Variants in FHIT observed in about 807,000 individuals in gnomAD.
FHIT encodes bis(5'-adenosyl)-triphosphatase.
Under a neutral mutation model 17.9 loss-of-function variants are expected in FHIT, and 19 were observed. The observed-to-expected ratio is 1.06, with a 90% CI of 0.74 to 1.56. The LOEUF is 1.56. Among genes scored for constraint, FHIT ranks in the 40% most tolerant of loss-of-function variants. The pLI is 0.00. For synonymous variants in FHIT, 81 were observed against 69.7 expected (o/e 1.16, Z -0.81); for missense variants, 248 against 189.2 (o/e 1.31, Z -1.82).
At chr3:60,245,826 C>G (rs774581964) in intron 5 of FHIT, among the ~76,000 whole-genome samples, 34 of 151,966 alleles carry the variant, frequency 2.2e-4, no homozygotes, top group Admixed American at 3.9e-4. Context: ...GGTAAGCATA[C>G]AGTGAACAAT....
At chr3:59,998,199 G>C (rs1374863278) in intron 7 of FHIT, among the ~76,000 whole-genome samples, 3 of 152,162 alleles carry the variant, frequency 2.0e-5, no homozygotes, top group African/African-American at 7.2e-5. Flanking sequence ...CGGTGTGCTT[G>C]TCATCAGAGT....
chr3:60,202,470 T>C (rs372259520), intron 5 of FHIT, among the ~76,000 whole-genome samples: 44 of 152,314 alleles, frequency 2.9e-4, no homozygotes, highest in Admixed American at 2.4e-3. Context: ...TTTGTCACGG[T>C]GTGTGGTCAG....
intron 3 of FHIT, among the ~76,000 whole-genome samples, chr3:61,041,090 T>C (rs1422218084): frequency 1.3e-5 from 2 of 152,134 alleles, no homozygotes; most frequent in Non-Finnish European, 2.9e-5. Flanking sequence ...TATTAAAATT[T>C]TCAAGACTGG....
intron 3 of FHIT, among the ~76,000 whole-genome samples, chr3:60,953,414 C>T (rs1708976215): frequency 6.6e-6 from 1 of 151,640 alleles, no homozygotes; most frequent in South Asian, 2.1e-4. Context: ...CTATTTGGAC[C>T]GAAATCCTTC....
chr3:60,435,332 A>C (rs2030120979), intron 5 of FHIT, among the ~76,000 whole-genome samples: 1 of 152,146 alleles, frequency 6.6e-6, no homozygotes, highest in South Asian at 2.1e-4. Flanking sequence ...TTGATTTGTA[A>C]ATGAAAAATT....
At chr3:60,905,249 A>G (rs1024314189) in intron 3 of FHIT, among the ~76,000 whole-genome samples, 6 of 152,156 alleles carry the variant, frequency 3.9e-5, no homozygotes, top group Non-Finnish European at 8.8e-5. Context: ...TTGAGATACT[A>G]TTTCTTGCCT....
intron 3 of FHIT, among the ~76,000 whole-genome samples, chr3:60,961,848 G>T (rs1231643338): frequency 6.6e-6 from 1 of 152,186 alleles, no homozygotes; most frequent in Admixed American, 6.5e-5. Context: ...AGTATAGTTT[G>T]AAGTCAAGTA....
intron 3 of FHIT, among the ~76,000 whole-genome samples, chr3:61,026,938 A>G (rs1357984183): frequency 6.6e-6 from 1 of 152,204 alleles, no homozygotes; most frequent in Admixed American, 6.5e-5. Context: ...CTTACCTGCA[A>G]TTGGTAAATT....
intron 8 of FHIT, among the ~76,000 whole-genome samples, chr3:59,801,475 T>C (rs1268088241): frequency 6.6e-6 from 1 of 152,168 alleles, no homozygotes; most frequent in Non-Finnish European, 1.5e-5. Context: ...ATGATTGTTA[T>C]TTCCTTCTTT....
At chr3:60,679,467 C>CT (rs1160916590) in intron 4 of FHIT, among the ~76,000 whole-genome samples, 1 of 152,040 alleles carries the variant, frequency 6.6e-6, no homozygotes, top group Non-Finnish European at 1.5e-5. Context: ...TATTTGCCTT[C>CT]TTTTTTTGCT....
chr3:60,846,078 C>T (rs1553746354), intron 3 of FHIT, among the ~76,000 whole-genome samples: 1 of 152,090 alleles, frequency 6.6e-6, no homozygotes, highest in Non-Finnish European at 1.5e-5. Flanking sequence ...CCCAGAAAAA[C>T]GTGGACTGAA....
At chr3:59,865,697 AAG>A (rs1482792622) in intron 8 of FHIT, among the ~76,000 whole-genome samples, 11 of 152,194 alleles carry the variant, frequency 7.2e-5, no homozygotes, top group Non-Finnish European at 1.5e-4. Context: ...AAGAGTAACC[AAG>A]AGAGAAAGTC....
At chr3:60,356,367 G>C (rs1261711839) in intron 5 of FHIT, among the ~76,000 whole-genome samples, 1 of 152,128 alleles carries the variant, frequency 6.6e-6, no homozygotes, top group East Asian at 1.9e-4. Context: ...CAATGAGGAA[G>C]AGCATGATCG....
chr3:60,857,931 G>C (rs939690759), intron 3 of FHIT, among the ~76,000 whole-genome samples: 1 of 152,148 alleles, frequency 6.6e-6, no homozygotes, highest in African/African-American at 2.4e-5. Context: ...TCTCTTAAAA[G>C]GAAAAATAAA....
At chr3:60,741,437 T>A (rs1245792505) in intron 4 of FHIT, among the ~76,000 whole-genome samples, 3 of 152,246 alleles carry the variant, frequency 2.0e-5, no homozygotes, top group African/African-American at 7.2e-5. Context: ...CAGGTAAGGA[T>A]GCCCTGAAGC....
chr3:60,252,509 C>T (rs1383876741), intron 5 of FHIT, among the ~76,000 whole-genome samples: 2 of 151,878 alleles, frequency 1.3e-5, no homozygotes, highest in South Asian at 2.1e-4. Flanking sequence ...GGCTGCACTG[C>T]GGCATGATCA....
intron 4 of FHIT, among the ~76,000 whole-genome samples, chr3:60,546,133 T>C (rs1007234680): frequency 1.3e-5 from 2 of 152,304 alleles, no homozygotes; most frequent in Non-Finnish European, 2.9e-5. Context: ...AGCATCTTGT[T>C]TTCTATCCAT....
intron 4 of FHIT, among the ~76,000 whole-genome samples, chr3:60,576,816 G>A (rs1392592505): frequency 6.6e-6 from 1 of 152,002 alleles, no homozygotes; most frequent in Non-Finnish European, 1.5e-5. Flanking sequence ...CAGGGTGGTG[G>A]ATGAAAACCT....
At chr3:60,047,299 T>C (rs569242602) in intron 5 of FHIT, among the ~76,000 whole-genome samples, 5 of 152,336 alleles carry the variant, frequency 3.3e-5, no homozygotes, top group African/African-American at 1.2e-4. Context: ...TCACACACAG[T>C]GCTATAGAGG....
Sources: allele counts gnomAD v4.1 joint callset (sites outside exome capture counted in the v4.1 genomes callset), GRCh38; gene constraint gnomAD v4.1.1; transcripts MANE v1.5; gene names NCBI Gene and HGNC (gene_info 2026-07-23, HGNC 2026-07-21).